GPATCH2: variants seen among roughly 807,000 people sequenced by gnomAD.
GPATCH2 encodes the protein G-patch domain containing 2.
In GPATCH2, 51 loss-of-function variants were observed where a neutral mutation model predicts 58.0. The ratio of observed to expected loss-of-function variants is 0.88; its 90% CI spans 0.70 to 1.11. GPATCH2 has a LOEUF of 1.11. GPATCH2 is among the 50% of genes most tolerant of loss of function. The pLI is 0.00. For synonymous variants in GPATCH2, 222 were observed against 218.5 expected (o/e 1.02, Z -0.14); for missense variants, 625 against 652.2 (o/e 0.96, Z 0.45).
At position 217,474,996 on chromosome 1, in the gene GPATCH2, G is replaced by T. The variant is rs1660906945; in HGVS notation, c.1277+16684C>A. On this transcript the variant is annotated intron_variant, in intron 8 of 9. Coordinates refer to ENST00000366935, the MANE Select transcript of GPATCH2 (RefSeq NM_018040.5). ...TTGCATTTAACAAAACTTGTAACAAGAATTAAACATGAGTAGTCTTTCTCT... is the reference window on the plus strand; with the variant it reads ...TTGCATTTAACAAAACTTGTAACAATAATTAAACATGAGTAGTCTTTCTCT... Among the ~76,000 whole-genome samples the T allele has an allele frequency of 2.6e-5, 4 of 152,112 alleles. No homozygotes were observed. In the South Asian group the frequency reaches 8.3e-4, roughly 32 times the overall value.
At chr1:217,492,452 T>G (rs1661793058) in intron 7 of GPATCH2, 1 of 152,188 alleles carries the variant, frequency 6.6e-6, no homozygotes, top group African/African-American at 2.4e-5. Flanking sequence ...CTCTAGCTTA[T>G]CTTATTTATG....
intron 5 of GPATCH2, among the ~76,000 whole-genome samples, chr1:217,567,839 A>C (rs934342173): frequency 6.6e-6 from 1 of 152,216 alleles, no homozygotes; most frequent in African/African-American, 2.4e-5. Flanking sequence ...ATTTATGGCC[A>C]GGCGTGGTGG....
At chr1:217,590,644 G>A (rs1667549861) in intron 5 of GPATCH2, among the ~76,000 whole-genome samples, 1 of 152,098 alleles carries the variant, frequency 6.6e-6, no homozygotes, top group East Asian at 1.9e-4. Context: ...AAATATATTC[G>A]ACCAGGGAAT....
intron 5 of GPATCH2, among the ~76,000 whole-genome samples, chr1:217,557,998 A>AT (rs1052628682): frequency 6.6e-6 from 1 of 152,172 alleles, no homozygotes; most frequent in Non-Finnish European, 1.5e-5. Flanking sequence ...CAAACCATTA[A>AT]TTTTTTTAAC....
chr1:217,531,467 G>A (rs1453312089), intron 5 of GPATCH2, among the ~76,000 whole-genome samples: 3 of 152,070 alleles, frequency 2.0e-5, no homozygotes, highest in Admixed American at 6.6e-5. Context: ...TCAAAAATCT[G>A]GATATGGTGT....
intron 5 of GPATCH2, among the ~76,000 whole-genome samples, chr1:217,536,415 C>T (rs1038534637): frequency 6.6e-6 from 1 of 152,298 alleles, no homozygotes; most frequent in South Asian, 2.1e-4. Flanking sequence ...GTGCCAGAAA[C>T]TGCCATTCTT....
chr1:217,569,656 T>C lies in GPATCH2; in HGVS notation c.1098+40665A>G, dbSNP rs151057078. On this transcript the variant is annotated intron_variant, in intron 5 of 9. Coordinates refer to ENST00000366935, the MANE Select transcript of GPATCH2 (RefSeq NM_018040.5). ...GTTGCAGTGAGCGAAGACTGCACCA[T>C]TGCACTACAGACTGGGCGACGAGAG... 1.6e-3 allele frequency among the ~76,000 whole-genome samples: 249 copies of C among 152,218 alleles called. 1 individual carries two copies. The highest frequency in any genetic ancestry group is 2.9e-3 in the Non-Finnish European group (196 of 68,022).
intron 7 of GPATCH2, among the ~76,000 whole-genome samples, chr1:217,496,821 T>C (rs1047053814): frequency 6.6e-6 from 1 of 152,248 alleles, no homozygotes; most frequent in Middle Eastern, 3.4e-3. Flanking sequence ...AGTGTTTGAG[T>C]TGACTACATA....
At chr1:217,540,776 T>C (rs892559686) in intron 5 of GPATCH2, among the ~76,000 whole-genome samples, 3 of 152,186 alleles carry the variant, frequency 2.0e-5, no homozygotes, top group South Asian at 2.1e-4. Flanking sequence ...TTTGAAGTAA[T>C]AGCCCTAGGA....
Position 217,427,850 on chromosome 1 carries a change from T to C in GPATCH2, c.*3295A>G, listed in dbSNP as rs1658389384. On this transcript the variant is annotated 3_prime_UTR_variant, in exon 10 of 10. Coordinates refer to ENST00000366935, the MANE Select transcript of GPATCH2 (RefSeq NM_018040.5). Reference sequence around the variant, plus strand: ...TAAAATGCAGTATTTTGTAATTATGTCTGTATACTGCACACAGGCATTATA... The same window carrying C: ...TAAAATGCAGTATTTTGTAATTATGCCTGTATACTGCACACAGGCATTATA... 2.6e-5 allele frequency: 4 copies of C among 152,166 alleles called. No homozygotes were observed. The highest frequency in any genetic ancestry group is 2.6e-4 in the Admixed American group (4 of 15,280). 9.4% of individuals were successfully genotyped at this position (152,166 alleles called of 1,614,324 possible). A position where few individuals can be genotyped will look rare whatever the true frequency, so the allele number is the denominator to read the frequency against.
chr1:217,601,007 A>G (rs1261067814), intron 5 of GPATCH2, among the ~76,000 whole-genome samples: 2 of 152,206 alleles, frequency 1.3e-5, no homozygotes, highest in Non-Finnish European at 2.9e-5. Context: ...TAAAGGAATG[A>G]CTTAAGAATT....
At chr1:217,470,584 T>C (rs1205995129) in intron 8 of GPATCH2, among the ~76,000 whole-genome samples, 4 of 152,202 alleles carry the variant, frequency 2.6e-5, no homozygotes, top group East Asian at 1.9e-4. Flanking sequence ...TAACCCTCTA[T>C]GATCATTAGT....
At chr1:217,614,742 T>A (rs1255914429) in intron 2 of GPATCH2, among the ~76,000 whole-genome samples, 1 of 144,580 alleles carries the variant, frequency 6.9e-6, no homozygotes, top group African/African-American at 2.6e-5. Context: ...ACGGTGATAA[T>A]CCATTATATC....
chr1:217,490,971 T>C (rs1490155111), intron 8 of GPATCH2, among the ~76,000 whole-genome samples: 1 of 152,160 alleles, frequency 6.6e-6, no homozygotes, highest in Non-Finnish European at 1.5e-5. Context: ...TTTGGTTACT[T>C]GGGAATGTTA....
intron 5 of GPATCH2, among the ~76,000 whole-genome samples, chr1:217,590,584 G>T (rs1667546230): frequency 6.6e-6 from 1 of 152,090 alleles, no homozygotes; most frequent in African/African-American, 2.4e-5. Context: ...CCAATCAATG[G>T]TTTTTCTCCC....
intron 8 of GPATCH2, among the ~76,000 whole-genome samples, chr1:217,489,622 G>T (rs1315356075): frequency 6.6e-6 from 1 of 152,252 alleles, no homozygotes; most frequent in East Asian, 1.9e-4. Context: ...CAGCACTTTG[G>T]GAGGCCAAGG....
intron 8 of GPATCH2, among the ~76,000 whole-genome samples, chr1:217,476,772 G>A (rs967814911): frequency 6.6e-6 from 1 of 152,042 alleles, no homozygotes; most frequent in Non-Finnish European, 1.5e-5. Context: ...GTACTCTGGG[G>A]CTTTAAATAA....
rs1662402821 is a variant in GPATCH2, at chr1:217,503,488, C to T, written c.1167-5093G>A. 2.0e-5 allele frequency among the ~76,000 whole-genome samples: 3 copies of T among 152,026 alleles called. No homozygotes were observed. The South Asian group carries it at 6.2e-4, about 31-fold the overall frequency. Reference sequence around the variant, plus strand: ...GGAAAAAAAACCTTTCAATCAAAAGCATAGGTGTTATGAATTAGCCTTGGA... The same window carrying T: ...GGAAAAAAAACCTTTCAATCAAAAGTATAGGTGTTATGAATTAGCCTTGGA... On this transcript the variant is annotated intron_variant, in intron 6 of 9. Transcript: ENST00000366935.
Position 217,427,116 on chromosome 1 carries a change from A to G in GPATCH2, c.*4029T>C, listed in dbSNP as rs1041719578. ...TCCAAGCAGCTTTATGAGAGGCACAACTTTCCAAAAGGAAATGGAGTGATT... is the reference window on the plus strand; with the variant it reads ...TCCAAGCAGCTTTATGAGAGGCACAGCTTTCCAAAAGGAAATGGAGTGATT... On this transcript the variant is annotated 3_prime_UTR_variant, in exon 10 of 10. Coordinates refer to ENST00000366935, the MANE Select transcript of GPATCH2 (RefSeq NM_018040.5). 1 of 152,162 alleles carries G rather than the reference A, an allele frequency of 6.6e-6. No homozygotes were observed. Among genetic ancestry groups the G allele is most frequent in the Non-Finnish European group, 1.5e-5 (1 of 68,024 alleles). 9.4% of individuals were successfully genotyped at this position (152,162 alleles called of 1,614,324 possible). A position where few individuals can be genotyped will look rare whatever the true frequency, so the allele number is the denominator to read the frequency against.
Sources: allele counts gnomAD v4.1 joint callset (sites outside exome capture counted in the v4.1 genomes callset), GRCh38; gene constraint gnomAD v4.1.1; transcripts MANE v1.5; gene names NCBI Gene and HGNC (gene_info 2026-07-23, HGNC 2026-07-21).